RANBP9: variants seen among roughly 807,000 people sequenced by gnomAD.
RANBP9 encodes ran-binding protein 9.
Under a neutral mutation model 84.3 loss-of-function variants are expected in RANBP9, and 15 were observed. The ratio of observed to expected loss-of-function variants is 0.18; its 90% CI spans 0.12 to 0.27. RANBP9 has a LOEUF of 0.27. Among genes scored for constraint, RANBP9 ranks in the 10% least tolerant of loss-of-function variants. The pLI is 1.00. For synonymous variants in RANBP9, 392 were observed against 349.6 expected, an observed-to-expected ratio of 1.12 and a Z score of -1.35; for missense variants, 809 against 912.8, an observed-to-expected ratio of 0.89 and a Z score of 1.46.
At position 13,639,724 on chromosome 6, in the gene RANBP9, C is replaced by G; in HGVS notation, c.1364G>C (p.Gly455Ala). The change falls in exon 9 of 14, where the codon GGT becomes GCT. Residue 455 changes from glycine (G) to alanine (A), a missense_variant. By Grantham distance (60) the Gly-to-Ala change is moderately conservative (BLOSUM62 0). Transcript: ENST00000011619. Reference protein sequence around the residue: ...KVRQFIEMVNGTDSEVRCLGG... With the variant: ...KVRQFIEMVNATDSEVRCLGG... ...CAAACATCGTACTTCACTATCTGTA[C>G]CATTCACCATTTCTATAAACTGACG... 6.2e-7 allele frequency: 1 copy of G among 1,613,916 alleles called. No homozygotes were observed. The highest frequency in any genetic ancestry group is 8.5e-7 in the Non-Finnish European group (1 of 1,179,912).
At chr6:13,622,832 G>C (rs933019794) in intron 13 of RANBP9, among the ~76,000 whole-genome samples, 1 of 152,140 alleles carries the variant, frequency 6.6e-6, no homozygotes, top group Non-Finnish European at 1.5e-5. Flanking sequence ...TTTCCCTTCT[G>C]GTTGATCAAA....
Position 13,692,084 on chromosome 6 carries a change from T to C in RANBP9, c.683+4701A>G, listed in dbSNP as rs145764871. On this transcript the variant is annotated intron_variant, in intron 2 of 13. Transcript: ENST00000011619. ...CAAAGATGTTGAGATTTTTAGGAAA[T>C]AATCTTTTCTCCAGAAAAACATTAG... 3.3e-3 allele frequency among the ~76,000 whole-genome samples: 507 copies of C among 152,314 alleles called. 2 individuals carry two copies. The highest frequency in any genetic ancestry group is 0.012 in the African/African-American group (493 of 41,558).
intron 1 of RANBP9, among the ~76,000 whole-genome samples, chr6:13,704,445 T>A (rs928829974): frequency 8.6e-5 from 13 of 151,998 alleles, no homozygotes; most frequent in African/African-American, 2.9e-4. Context: ...CTGGGCAACA[T>A]GGCAAAACCC....
intron 7 of RANBP9, among the ~76,000 whole-genome samples, chr6:13,641,515 ATTT>A (rs60315436): frequency 6.6e-6 from 1 of 151,382 alleles, no homozygotes; most frequent in Admixed American, 6.6e-5. Flanking sequence ...ACGGTCACAA[ATTT>A]TTTTTTTAAA....
chr6:13,662,646 CAG>C (rs1765558979), intron 2 of RANBP9, among the ~76,000 whole-genome samples: 1 of 152,170 alleles, frequency 6.6e-6, no homozygotes, highest in Non-Finnish European at 1.5e-5. Context: ...TTCTATGAAG[CAG>C]AGAGTTCTCA....
chr6:13,700,908 A>G (rs60175532), intron 1 of RANBP9, among the ~76,000 whole-genome samples: 14 of 152,196 alleles, frequency 9.2e-5, no homozygotes, highest in Non-Finnish European at 1.8e-4. Flanking sequence ...TATAGTTTGC[A>G]TAAGTCCTGT....
intron 12 of RANBP9, among the ~76,000 whole-genome samples, chr6:13,629,919 C>CGTGTGTG (rs1321431147): frequency 3.1e-5 from 4 of 129,966 alleles, no homozygotes; most frequent in African/African-American, 1.2e-4. Flanking sequence ...CTCTCTCTCT[C>CGTGTGTG]TCGTGTGTGT....
chr6:13,649,324 A>C (rs916845104), intron 5 of RANBP9, among the ~76,000 whole-genome samples: 1 of 152,198 alleles, frequency 6.6e-6, no homozygotes, highest in Non-Finnish European at 1.5e-5. Context: ...CTGGTGATTC[A>C]AAAGTGGGAG....
chr6:13,705,814 G>A (rs968318940), intron 1 of RANBP9, among the ~76,000 whole-genome samples: 3 of 145,572 alleles, frequency 2.1e-5, no homozygotes, highest in African/African-American at 7.8e-5. Flanking sequence ...AGTGAGCGGA[G>A]ATCGCGCCAC....
chr6:13,689,448 T>TTA (rs1184658377), intron 2 of RANBP9, among the ~76,000 whole-genome samples: 3 of 152,050 alleles, frequency 2.0e-5, no homozygotes, highest in Non-Finnish European at 4.4e-5. Flanking sequence ...TTTTTGTACT[T>TTA]TTTAGTAGAG....
chr6:13,710,334 T>C (rs1758242248), intron 1 of RANBP9, among the ~76,000 whole-genome samples: 1 of 151,902 alleles, frequency 6.6e-6, no homozygotes, highest in Non-Finnish European at 1.5e-5. Flanking sequence ...AGAAAAAGGG[T>C]GTTCCTGGGG....
chr6:13,647,543 T>G (rs1353731680), intron 5 of RANBP9, among the ~76,000 whole-genome samples: 7 of 152,164 alleles, frequency 4.6e-5, no homozygotes, highest in African/African-American at 1.7e-4. Context: ...TTGTATATGG[T>G]ATGACCCTAT....
At chr6:13,626,484 T>A (rs1327385676) in intron 12 of RANBP9, among the ~76,000 whole-genome samples, 1 of 152,220 alleles carries the variant, frequency 6.6e-6, no homozygotes, top group Non-Finnish European at 1.5e-5. Context: ...TACTGCATAA[T>A]GGGGACTATA....
intron 2 of RANBP9, among the ~76,000 whole-genome samples, chr6:13,661,476 C>T (rs1389695082): frequency 6.6e-6 from 1 of 151,088 alleles, no homozygotes; most frequent in East Asian, 1.9e-4. Flanking sequence ...AAATGTGACA[C>T]AACAGGCATG....
chr6:13,651,007 C>T (rs1390031356), intron 5 of RANBP9, among the ~76,000 whole-genome samples: 1 of 152,060 alleles, frequency 6.6e-6, no homozygotes, highest in Non-Finnish European at 1.5e-5. Flanking sequence ...AAAGGTTAGA[C>T]TCTGAACATG....
chr6:13,635,582 T>C (rs1764917298), intron 10 of RANBP9, among the ~76,000 whole-genome samples: 1 of 150,590 alleles, frequency 6.6e-6, no homozygotes, highest in Non-Finnish European at 1.5e-5. Flanking sequence ...GGTGTGTGTG[T>C]GCATGCATAC....
intron 11 of RANBP9, among the ~76,000 whole-genome samples, chr6:13,633,996 C>T (rs551665370): frequency 6.6e-6 from 1 of 151,710 alleles, no homozygotes; most frequent in South Asian, 2.1e-4. Context: ...TACTATATAC[C>T]AGGGATAGTA....
Position 13,622,411 on chromosome 6 carries a change from G to A in RANBP9, c.2141C>T (p.Ser714Leu). The A allele has an allele frequency of 1.2e-6, 2 of 1,600,966 alleles. No individual in the cohort carries two copies. Among genetic ancestry groups the A allele is most frequent in the Non-Finnish European group, 1.7e-6 (2 of 1,173,328 alleles). The change falls in exon 14 of 14, where the codon TCA becomes TTA. Residue 714 changes from serine to leucine, a missense_variant. By Grantham distance (145) the Ser-to-Leu change is moderately radical (BLOSUM62 -2). Transcript: ENST00000011619. ...ATQCLGLMAR[S>L]GIGSCAFATV... ...GGCAAATGCGCAGGATCCAATTCCT[G>A]ATCGAGCCATCAGTCCTAGACATTG...
intron 4 of RANBP9, among the ~76,000 whole-genome samples, chr6:13,654,534 G>A (rs894384249): frequency 2.0e-5 from 3 of 152,284 alleles, no homozygotes; most frequent in African/African-American, 7.2e-5. Context: ...CACTTAGGAA[G>A]TATAAGGGAA....
Sources: allele counts gnomAD v4.1 joint callset (sites outside exome capture counted in the v4.1 genomes callset), GRCh38; gene constraint gnomAD v4.1.1; transcripts MANE v1.5; gene names NCBI Gene and HGNC (gene_info 2026-07-23, HGNC 2026-07-21).